The following FLI1 variants were observed in gnomAD, a reference collection of about 807,000 sequenced individuals.
FLI1 encodes the protein Fli-1 proto-oncogene, ETS transcription factor.
A neutral mutation model predicts 53.1 loss-of-function variants in FLI1; 13 were observed. That is an observed-to-expected ratio of 0.24 (90% CI 0.16 to 0.39). The LOEUF (loss-of-function observed/expected upper bound fraction) is 0.39, where lower values mean the gene tolerates loss of function less well. FLI1 is among the 10% of genes least tolerant of loss of function. The pLI is 1.00. For synonymous variants in FLI1, 244 were observed against 236.7 expected (o/e 1.03, Z -0.28); for missense variants, 424 against 600.5 (o/e 0.71, Z 3.07).
intron 1 of FLI1, among the ~76,000 whole-genome samples, chr11:128,737,475 T>G (rs1447743775): frequency 2.0e-5 from 3 of 152,220 alleles, no homozygotes; most frequent in African/African-American, 7.2e-5. Context: ...GAACAAATCT[T>G]TGTCAAGAAT....
rs57751499 is a variant in FLI1, at chr11:128,739,970, CCA to C, written c.19-18143_19-18142del. Among the ~76,000 whole-genome samples the C allele has an allele frequency of 5.1e-3, 781 of 152,314 alleles. 7 individuals are homozygous for C. Among genetic ancestry groups the C allele is most frequent in the African/African-American group, 0.018 (734 of 41,568 alleles). ...TGAGCCGCATCAGGCCTGGCCAGAG[CCA>C]CTGGCAAGGTCTCTCATCCCCACGT... On this transcript the variant is annotated intron_variant, in intron 1 of 8. Coordinates refer to ENST00000527786, the MANE Select transcript of FLI1 (RefSeq NM_002017.5).
chr11:128,792,621 G>A (rs765949753), intron 5 of FLI1, among the ~76,000 whole-genome samples: 10 of 152,282 alleles, frequency 6.6e-5, no homozygotes, highest in Non-Finnish European at 1.5e-4. Flanking sequence ...ACATCTTCTA[G>A]TGAAAGACCA....
intron 1 of FLI1, among the ~76,000 whole-genome samples, chr11:128,739,614 T>G (rs59310399): frequency 0.064 from 9,784 of 152,092 alleles, 1,041 homozygotes; most frequent in African/African-American, 0.22. Flanking sequence ...GGCAGTGGTG[T>G]GGGCAGGGGG....
At chr11:128,757,039 T>G (rs1230249543) in intron 1 of FLI1, among the ~76,000 whole-genome samples, 1 of 151,180 alleles carries the variant, frequency 6.6e-6, no homozygotes, top group Non-Finnish European at 1.5e-5. Context: ...CATATCTAGC[T>G]AATTTTTTCT....
chr11:128,794,816 C>T (rs1287349396), intron 5 of FLI1, among the ~76,000 whole-genome samples: 1 of 152,130 alleles, frequency 6.6e-6, no homozygotes, highest in African/African-American at 2.4e-5. Flanking sequence ...TGGCTCACGC[C>T]TGTAATCTCA....
At chr11:128,705,488 T>C (rs1938508546) in intron 1 of FLI1, among the ~76,000 whole-genome samples, 1 of 152,214 alleles carries the variant, frequency 6.6e-6, no homozygotes, top group African/African-American at 2.4e-5. Context: ...GCTCTCTTCT[T>C]CATTCTATTC....
At chr11:128,772,035 C>T (rs960253380) in intron 3 of FLI1, among the ~76,000 whole-genome samples, 1 of 2,196 alleles carries the variant, frequency 4.6e-4, no homozygotes, top group Admixed American at 8.1e-3. Context: ...CCACCACACA[C>T]ACACACACAC....
chr11:128,740,834 A>T (rs905864733), intron 1 of FLI1, among the ~76,000 whole-genome samples: 1 of 152,124 alleles, frequency 6.6e-6, no homozygotes, highest in Non-Finnish European at 1.5e-5. Flanking sequence ...GGTTGCTTAG[A>T]TGATGTTTGG....
At chr11:128,805,098 G>A (rs1284876502) in intron 5 of FLI1, 1 of 356,922 alleles carries the variant, frequency 2.8e-6, no homozygotes, top group Non-Finnish European at 5.0e-6. Flanking sequence ...AACAAAGAGT[G>A]TCAGGAAGAG....
chr11:128,746,879 A>G lies in FLI1; in HGVS notation c.19-11236A>G, dbSNP rs112965482. Reference sequence around the variant, plus strand: ...TTGCCCAAAGTTGCACAGCCAATAAAGCTCCACATTGACCCAGCTGGTGGC... The same window carrying G: ...TTGCCCAAAGTTGCACAGCCAATAAGGCTCCACATTGACCCAGCTGGTGGC... On this transcript the variant is annotated intron_variant, in intron 1 of 8. Coordinates refer to ENST00000527786, the MANE Select transcript of FLI1 (RefSeq NM_002017.5). Among the ~76,000 whole-genome samples the G allele has an allele frequency of 7.0e-3, 1,059 of 152,294 alleles. 15 individuals are homozygous for G. The highest frequency in any genetic ancestry group is 0.024 in the African/African-American group (993 of 41,556).
intron 1 of FLI1, among the ~76,000 whole-genome samples, chr11:128,694,491 A>T (rs1937940130): frequency 3.2e-4 from 1 of 3,136 alleles, no homozygotes; most frequent in African/African-American, 1.4e-3. Flanking sequence ...CTCCCCCGAA[A>T]TCCCAGCCCC....
intron 1 of FLI1, among the ~76,000 whole-genome samples, chr11:128,741,051 C>G (rs1353348583): frequency 6.6e-6 from 1 of 152,188 alleles, no homozygotes; most frequent in Non-Finnish European, 1.5e-5. Flanking sequence ...GGAGCACCAG[C>G]AATGAGTTAA....
chr11:128,767,520 G>A (rs1941387666), intron 2 of FLI1, among the ~76,000 whole-genome samples: 1 of 152,166 alleles, frequency 6.6e-6, no homozygotes, highest in South Asian at 2.1e-4. Context: ...GGGGCTTATT[G>A]GGAAATTCGA....
chr11:128,743,021 T>A (rs760540745), intron 1 of FLI1, among the ~76,000 whole-genome samples: 5 of 152,166 alleles, frequency 3.3e-5, no homozygotes, highest in Non-Finnish European at 7.3e-5. Context: ...GGGTTTCTCA[T>A]GAACATCACC....
At chr11:128,788,549 AAAAC>A (rs1159716534) in intron 5 of FLI1, among the ~76,000 whole-genome samples, 3 of 152,170 alleles carry the variant, frequency 2.0e-5, no homozygotes, top group Non-Finnish European at 4.4e-5. Context: ...ATGTAATCGA[AAAAC>A]AACAATGCAT....
chr11:128,756,811 G>A (rs985796000), intron 1 of FLI1, among the ~76,000 whole-genome samples: 3 of 152,152 alleles, frequency 2.0e-5, no homozygotes, highest in South Asian at 2.1e-4. Context: ...CCTGTGATTC[G>A]ATGAGACATG....
chr11:128,759,670 G>T (rs553042965), intron 2 of FLI1, among the ~76,000 whole-genome samples: 8 of 152,352 alleles, frequency 5.3e-5, no homozygotes, highest in Non-Finnish European at 8.8e-5. Flanking sequence ...GCTGTGAGCA[G>T]CCGCAGAAAG....
intron 4 of FLI1, among the ~76,000 whole-genome samples, chr11:128,780,505 G>A (rs758559522): frequency 6.6e-6 from 1 of 152,230 alleles, no homozygotes; most frequent in African/African-American, 2.4e-5. Context: ...TGAGGCAGGA[G>A]AATCACTTGA....
intron 1 of FLI1, among the ~76,000 whole-genome samples, chr11:128,729,024 T>A (rs1261911081): frequency 6.6e-6 from 1 of 152,184 alleles, no homozygotes; most frequent in East Asian, 1.9e-4. Context: ...CTGCCTCGGT[T>A]TAGAAAGAGC....
Sources: allele counts gnomAD v4.1 joint callset (sites outside exome capture counted in the v4.1 genomes callset), GRCh38; gene constraint gnomAD v4.1.1; transcripts MANE v1.5; gene names NCBI Gene and HGNC (gene_info 2026-07-23, HGNC 2026-07-21).